Variants in TLN2 observed in about 807,000 individuals in gnomAD.
The protein encoded by TLN2 is talin-2.
A neutral mutation model predicts 294.7 loss-of-function variants in TLN2; 118 were observed. That is an observed-to-expected ratio of 0.40 (90% CI 0.34 to 0.47). The LOEUF is 0.47. TLN2 is among the 20% of genes least tolerant of loss of function. TLN2 has a pLI of 0.84. For missense variants in TLN2, 3,083 were observed against 3,282.2 expected, an observed-to-expected ratio of 0.94 and a Z score of 1.48; for synonymous variants, 1,431 against 1,304.5, an observed-to-expected ratio of 1.10 and a Z score of -2.09.
chr15:62,698,673 C>G lies in TLN2; in HGVS notation c.1474-81C>G, dbSNP rs762518385. 225 of 1,154,998 alleles carry G rather than the reference C, an allele frequency of 1.9e-4. 1 individual carries two copies. Among genetic ancestry groups the G allele is most frequent in the Non-Finnish European group, 3.7e-5 (29 of 784,228 alleles). 71.5% of individuals were successfully genotyped at this position (1,154,998 alleles called of 1,614,324 possible). On this transcript the variant is annotated intron_variant, in intron 15 of 58. Coordinates refer to ENST00000636159, the MANE Select transcript of TLN2 (RefSeq NM_015059.3). ...GCTGCTTTGTCTTGAGTGCAGAGTT[C>G]TGTTTTGCTTTGTTTTGCATAAAGG...
At chr15:62,746,637 A>G (rs2061627968) in intron 32 of TLN2, among the ~76,000 whole-genome samples, 1 of 152,248 alleles carries the variant, frequency 6.6e-6, no homozygotes, top group East Asian at 1.9e-4. Context: ...GGGAAGCTGC[A>G]AAGCCAATTT....
At chr15:62,817,388 TGA>T (rs2067198695) in intron 52 of TLN2, among the ~76,000 whole-genome samples, 1 of 152,114 alleles carries the variant, frequency 6.6e-6, no homozygotes, top group Non-Finnish European at 1.5e-5. Flanking sequence ...GGCCCTAGTG[TGA>T]GAGAGTGAGA....
intron 1 of TLN2, among the ~76,000 whole-genome samples, chr15:62,475,466 T>C (rs2037735691): frequency 6.6e-6 from 1 of 152,158 alleles, no homozygotes; most frequent in Non-Finnish European, 1.5e-5. Context: ...GAGGCAACTA[T>C]TTGGATGATT....
At chr15:62,408,232 C>A (rs1361141105) in intron 1 of TLN2, among the ~76,000 whole-genome samples, 1 of 151,912 alleles carries the variant, frequency 6.6e-6, no homozygotes, top group Admixed American at 6.6e-5. Flanking sequence ...CTTATCAAAA[C>A]AAGGCAAGAA....
At chr15:62,478,334 G>A (rs767168317) in intron 1 of TLN2, among the ~76,000 whole-genome samples, 1 of 149,132 alleles carries the variant, frequency 6.7e-6, no homozygotes, top group Non-Finnish European at 1.5e-5. Flanking sequence ...CTTATTATTT[G>A]CATCCTAGGT....
At chr15:62,686,508 C>A in intron 11 of TLN2, 133 bp from the exon 12 acceptor site, 1 of 1,023,050 alleles carries the variant, frequency 9.8e-7, no homozygotes, top group Non-Finnish European at 1.4e-6. Context: ...GCCTCAAAAT[C>A]TTGGTTTCCC....
At chr15:62,586,255 CT>C (rs2045603374) in intron 1 of TLN2, among the ~76,000 whole-genome samples, 1 of 152,320 alleles carries the variant, frequency 6.6e-6, no homozygotes, top group African/African-American at 2.4e-5. Context: ...GTGTGTTGTA[CT>C]TTGGAGTCGC....
At chr15:62,670,861 A>G (rs1567311711) in intron 9 of TLN2, among the ~76,000 whole-genome samples, 1 of 152,206 alleles carries the variant, frequency 6.6e-6, no homozygotes, top group East Asian at 1.9e-4. Context: ...GGAACTACCA[A>G]ACTTTTTTAC....
chr15:62,490,703 A>G (rs935680503), intron 1 of TLN2, among the ~76,000 whole-genome samples: 1 of 152,122 alleles, frequency 6.6e-6, no homozygotes, highest in African/African-American at 2.4e-5. Context: ...ATTTTTTTGC[A>G]TGAGGAAGCT....
rs1398817421 is a variant in TLN2, at chr15:62,474,619, C to T, written c.-238+83934C>T. On this transcript the variant is annotated intron_variant, in intron 1 of 58. Transcript: ENST00000636159. ...TTGCACCATTGTCCTCCAGCCAGGA[C>T]GGGAGAGTGAGACCCTGTCTCAAAA... Among the ~76,000 whole-genome samples, 5 of 152,048 alleles carry T rather than the reference C, an allele frequency of 3.3e-5. No homozygotes were observed. In the South Asian group the frequency reaches 6.2e-4, roughly 19 times the overall value.
intron 1 of TLN2, among the ~76,000 whole-genome samples, chr15:62,463,333 G>C (rs768377365): frequency 1.3e-5 from 2 of 152,126 alleles, no homozygotes; most frequent in Non-Finnish European, 2.9e-5. Context: ...GGATATGAGT[G>C]GTGAGAACCG....
chr15:62,464,709 G>A (rs34444272), intron 1 of TLN2, among the ~76,000 whole-genome samples: 11,524 of 152,066 alleles, frequency 0.076, 517 homozygotes, highest in Non-Finnish European at 0.091. Flanking sequence ...TTGGGTGATG[G>A]ATCACTTTTA....
At chr15:62,765,406 G>A (rs1420523170) in intron 40 of TLN2, among the ~76,000 whole-genome samples, 3 of 151,274 alleles carry the variant, frequency 2.0e-5, no homozygotes, top group Non-Finnish European at 2.9e-5. Context: ...CATCCCTCCC[G>A]GCCCACAGGC....
intron 34 of TLN2, among the ~76,000 whole-genome samples, chr15:62,751,138 C>CAAT (rs891953541): frequency 1.1e-4 from 17 of 150,566 alleles, no homozygotes; most frequent in African/African-American, 3.9e-4. Flanking sequence ...CTTAGTGGAA[C>CAAT]AATAATAAAA....
intron 50 of TLN2, among the ~76,000 whole-genome samples, chr15:62,804,975 T>C (rs2066172344): frequency 6.6e-6 from 1 of 152,152 alleles, no homozygotes; most frequent in Admixed American, 6.5e-5. Flanking sequence ...TGACTTACCA[T>C]GGTGAATTTA....
chr15:62,466,050 T>C (rs1346518664), intron 1 of TLN2, among the ~76,000 whole-genome samples: 4 of 152,130 alleles, frequency 2.6e-5, no homozygotes, highest in Non-Finnish European at 5.9e-5. Context: ...AGAGGAAATA[T>C]GATGGGGCTT....
Position 62,841,954 on chromosome 15 carries a change from A to ACTCACCCTCCGCCTCTCTCT in TLN2, c.*1348_*1367dup, listed in dbSNP as rs1307609960. On this transcript the variant is annotated 3_prime_UTR_variant, in exon 59 of 59. Transcript: ENST00000636159. ...TTCAAAACTGGTAACAGTTAAAGGCACTCACCCTCCGCCTCTCTCTCTCTC... is the reference window on the plus strand; with the variant it reads ...TTCAAAACTGGTAACAGTTAAAGGCACTCACCCTCCGCCTCTCTCTCTCACCCTCCGCCTCTCTCTCTCTC... 44 of 137,012 alleles carry ACTCACCCTCCGCCTCTCTCT rather than the reference A, an allele frequency of 3.2e-4. No homozygotes were observed. The highest frequency in any genetic ancestry group is 1.2e-3 in the African/African-American group (43 of 34,564). The allele number at this position is 137,012 out of a possible 1,614,324, so 8.5% of individuals were successfully genotyped here. A position where few individuals can be genotyped will look rare whatever the true frequency, so the allele number is the denominator to read the frequency against.
At chr15:62,656,876 G>A (rs1041209797) in intron 8 of TLN2, among the ~76,000 whole-genome samples, 2 of 152,162 alleles carry the variant, frequency 1.3e-5, no homozygotes, top group African/African-American at 4.8e-5. Flanking sequence ...GGCTGTTCTC[G>A]CATTCTGGTG....
chr15:62,401,800 C>G (rs1328689722), intron 1 of TLN2, among the ~76,000 whole-genome samples: 1 of 152,194 alleles, frequency 6.6e-6, no homozygotes, highest in African/African-American at 2.4e-5. Flanking sequence ...GACCAACTCT[C>G]TTTCAGTTAT....
Sources: allele counts gnomAD v4.1 joint callset (sites outside exome capture counted in the v4.1 genomes callset), GRCh38; gene constraint gnomAD v4.1.1; transcripts MANE v1.5; gene names NCBI Gene and HGNC (gene_info 2026-07-23, HGNC 2026-07-21).